The following SLCO3A1 variants were observed in gnomAD, a reference collection of about 807,000 sequenced individuals.
The protein encoded by SLCO3A1 is PGE1 transporter.
A neutral mutation model predicts 63.1 loss-of-function variants in SLCO3A1; 27 were observed. The observed-to-expected ratio is 0.43, with a 90% CI of 0.32 to 0.59. The LOEUF is 0.59. Among genes scored for constraint, SLCO3A1 ranks in the 20% least tolerant of loss-of-function variants. SLCO3A1 has a pLI of 0.09. For missense variants in SLCO3A1, 773 were observed against 945.8 expected (o/e 0.82, Z 2.40); for synonymous variants, 473 against 409.9 (o/e 1.15, Z -1.86).
intron 7 of SLCO3A1, among the ~76,000 whole-genome samples, chr15:92,145,319 A>C (rs1469252900): frequency 6.6e-6 from 1 of 151,956 alleles, no homozygotes; most frequent in Non-Finnish European, 1.5e-5. Context: ...TCTCCTGGGA[A>C]GAGGAGGAGT....
At chr15:92,011,740 A>C (rs2046371125) in intron 2 of SLCO3A1, among the ~76,000 whole-genome samples, 2 of 152,226 alleles carry the variant, frequency 1.3e-5, no homozygotes, top group African/African-American at 4.8e-5. Context: ...TGCCAAGGGC[A>C]GCATCGCTGG....
chr15:92,124,005 T>C (rs1293210863), intron 5 of SLCO3A1, among the ~76,000 whole-genome samples: 1 of 152,190 alleles, frequency 6.6e-6, no homozygotes, highest in Non-Finnish European at 1.5e-5. Context: ...GCCCTGCCCT[T>C]GGTGACAGTC....
Position 92,164,008 on chromosome 15 carries a change from A to AT in SLCO3A1, c.*876dup. On this transcript the variant is annotated 3_prime_UTR_variant, in exon 10 of 10. Coordinates refer to ENST00000318445, the MANE Select transcript of SLCO3A1 (RefSeq NM_013272.4). The stretch of plus-strand genomic sequence containing the variant: ...AACGCAGTCCAAGTCATTTGCTTAC[A>AT]TTTGCCAAAAACATTTTGCCATTTT... The AT allele has an allele frequency of 1.0e-6, 1 of 984,966 alleles. No individual in the cohort carries two copies. Among genetic ancestry groups the AT allele is most frequent in the Non-Finnish European group, 1.2e-6 (1 of 829,928 alleles). The allele number at this position is 984,966 out of a possible 1,614,324, so 61.0% of individuals were successfully genotyped here. A position where few individuals can be genotyped will look rare whatever the true frequency, so the allele number is the denominator to read the frequency against.
At chr15:91,915,325 GA>G (rs1016586362) in intron 1 of SLCO3A1, among the ~76,000 whole-genome samples, 3 of 152,246 alleles carry the variant, frequency 2.0e-5, no homozygotes, top group Non-Finnish European at 2.9e-5. Flanking sequence ...AAAAACGGGG[GA>G]AATCATAATA....
chr15:92,163,148 G>T lies in SLCO3A1; in HGVS notation c.*13G>T. 1 of 1,495,946 alleles carries T rather than the reference G, an allele frequency of 6.7e-7. No homozygotes were observed. 92.7% of individuals were successfully genotyped at this position (1,495,946 alleles called of 1,614,324 possible). A position where few individuals can be genotyped will look rare whatever the true frequency, so the allele number is the denominator to read the frequency against. On this transcript the variant is annotated 3_prime_UTR_variant, in exon 10 of 10. Transcript: ENST00000318445. ...GTCCGTTTTATAGTGACTAAAGGAGGGCTGAACTCTGTATTAGTAATCCAA... is the reference window on the plus strand; with the variant it reads ...GTCCGTTTTATAGTGACTAAAGGAGTGCTGAACTCTGTATTAGTAATCCAA...
At chr15:92,157,690 C>CTT (rs2048389291) in intron 9 of SLCO3A1, among the ~76,000 whole-genome samples, 1 of 152,090 alleles carries the variant, frequency 6.6e-6, no homozygotes, top group South Asian at 2.1e-4. Context: ...TTCTACAACT[C>CTT]TTTCTCTAGA....
intron 2 of SLCO3A1, among the ~76,000 whole-genome samples, chr15:91,931,615 C>T (rs1191290514): frequency 6.6e-6 from 1 of 151,996 alleles, no homozygotes; most frequent in Non-Finnish European, 1.5e-5. Flanking sequence ...GGACTACAGG[C>T]TCACACCACT....
At position 92,006,047 on chromosome 15, in the gene SLCO3A1, G is replaced by A. The variant is rs190849399; in HGVS notation, c.647-88834G>A. ...AGGTGTGCTCAGGCTGTGTCTGTTA[G>A]CAGCTGAGTTGCTCTGTCGTCTCAT... On this transcript the variant is annotated intron_variant, in intron 2 of 9. Coordinates refer to ENST00000318445, the MANE Select transcript of SLCO3A1 (RefSeq NM_013272.4). Among the ~76,000 whole-genome samples the A allele has an allele frequency of 1.5e-4, 23 of 152,258 alleles. No individual in the cohort carries two copies. In the East Asian group the frequency reaches 3.7e-3, roughly 24 times the overall value.
intron 2 of SLCO3A1, among the ~76,000 whole-genome samples, chr15:92,089,603 G>A (rs1408684360): frequency 1.3e-5 from 2 of 152,214 alleles, no homozygotes; most frequent in Non-Finnish European, 2.9e-5. Flanking sequence ...TTGACCGAGA[G>A]TGGTGGAAAG....
At position 91,853,829 on chromosome 15, in the gene SLCO3A1, C is replaced by A; in HGVS notation, c.-80C>A. 1.7e-6 allele frequency: 2 copies of A among 1,182,724 alleles called. No homozygotes were observed. Among genetic ancestry groups the A allele is most frequent in the Non-Finnish European group, 2.1e-6 (2 of 960,606 alleles). 73.3% of individuals were successfully genotyped at this position (1,182,724 alleles called of 1,614,324 possible). On this transcript the variant is annotated 5_prime_UTR_variant, in exon 1 of 10. Coordinates refer to ENST00000318445, the MANE Select transcript of SLCO3A1 (RefSeq NM_013272.4). The stretch of plus-strand genomic sequence containing the variant: ...CAGCACGCAGCCTCGAGGCGCGCAC[C>A]CCCGCCCGGCAGCGGCCCCGACACC...
At chr15:92,109,731 C>T (rs1429372289) in intron 4 of SLCO3A1, among the ~76,000 whole-genome samples, 1 of 152,040 alleles carries the variant, frequency 6.6e-6, no homozygotes, top group Non-Finnish European at 1.5e-5. Flanking sequence ...AAGCCACCAC[C>T]CAAATCTAGG....
intron 1 of SLCO3A1, among the ~76,000 whole-genome samples, chr15:91,868,967 A>T (rs887160707): frequency 2.6e-5 from 4 of 152,204 alleles, no homozygotes; most frequent in African/African-American, 9.7e-5. Flanking sequence ...CATATTCATC[A>T]TGAAGAAAAG....
chr15:92,084,365 G>A (rs1332752423), intron 2 of SLCO3A1, among the ~76,000 whole-genome samples: 1 of 152,212 alleles, frequency 6.6e-6, no homozygotes, highest in Non-Finnish European at 1.5e-5. Flanking sequence ...GAAGCATTCT[G>A]TGCACTACGT....
At position 91,885,226 on chromosome 15, in the gene SLCO3A1, C is replaced by G. The variant is rs977003091; in HGVS notation, c.181-30767C>G. ...TGGCGTCACTCTCCACGCCCAGTAA[C>G]GAAGCCCCACCCCTGGCTGGGCCTT... On this transcript the variant is annotated intron_variant, in intron 1 of 9. Transcript: ENST00000318445. This position sits in a 1 kb window ranked among gnomAD's most constrained non-coding sequence, Gnocchi z 4.7. Among the ~76,000 whole-genome samples, 1 of 152,156 alleles carries G rather than the reference C, an allele frequency of 6.6e-6. No homozygotes were observed. Among genetic ancestry groups the G allele is most frequent in the Non-Finnish European group, 1.5e-5 (1 of 68,016 alleles).
At chr15:92,169,933 T>C (rs531082161), downstream of SLCO3A1, among the ~76,000 whole-genome samples, 66 of 152,354 alleles carry the variant, frequency 4.3e-4, no homozygotes, top group Non-Finnish European at 6.6e-4. Context: ...TTTCCATTTT[T>C]GTAATAGTGA....
At chr15:91,917,116 C>T (rs1288904642) in intron 2 of SLCO3A1, among the ~76,000 whole-genome samples, 2 of 152,080 alleles carry the variant, frequency 1.3e-5, no homozygotes, top group Non-Finnish European at 2.9e-5. Flanking sequence ...TATTACGTGG[C>T]GGGCAGTGTT....
chr15:91,927,527 C>T (rs1899072280), intron 2 of SLCO3A1, among the ~76,000 whole-genome samples: 1 of 152,124 alleles, frequency 6.6e-6, no homozygotes. Context: ...ATAGTTGGTG[C>T]ATTTGAGAAA....
intron 2 of SLCO3A1, among the ~76,000 whole-genome samples, chr15:92,023,378 A>T (rs6496889): frequency 0.14 from 22,041 of 152,178 alleles, 2,033 homozygotes; most frequent in South Asian, 0.36. Flanking sequence ...TGCATTTTTT[A>T]AATTATTCTT....
chr15:92,171,661 A>G, intron 10 of SLCO3A1: 1 of 722,748 alleles, frequency 1.4e-6, no homozygotes. Flanking sequence ...TTGACTGCCT[A>G]CTCTTGTCCC....
Sources: allele counts gnomAD v4.1 joint callset (sites outside exome capture counted in the v4.1 genomes callset), GRCh38; gene constraint gnomAD v4.1.1; non-coding constraint Gnocchi (gnomAD v3.1); transcripts MANE v1.5; gene names NCBI Gene and HGNC (gene_info 2026-07-23, HGNC 2026-07-21).